RORA: variants seen among roughly 807,000 people sequenced by gnomAD.
RORA encodes the protein RAR related orphan receptor A.
In RORA, 7 loss-of-function variants were observed where a neutral mutation model predicts 69.5. That is an observed-to-expected ratio of 0.10 (90% CI 0.06 to 0.19). The LOEUF (loss-of-function observed/expected upper bound fraction) is 0.19. Among genes scored for constraint, RORA ranks in the 10% least tolerant of loss-of-function variants. RORA has a pLI of 1.00. For missense variants in RORA, 457 were observed against 663.0 expected (o/e 0.69, Z 3.41); for synonymous variants, 261 against 240.8 (o/e 1.08, Z -0.78).
chr15:60,971,650 C>T (rs1476025163), intron 1 of RORA, among the ~76,000 whole-genome samples: 1 of 152,222 alleles, frequency 6.6e-6, no homozygotes, highest in Admixed American at 6.5e-5. Context: ...TTATAGCCAC[C>T]AAGCTCCCTT....
intron 1 of RORA, among the ~76,000 whole-genome samples, chr15:60,699,681 A>G (rs1596136949): frequency 6.6e-6 from 1 of 152,328 alleles, no homozygotes; most frequent in African/African-American, 2.4e-5. Flanking sequence ...TAATAAGAGA[A>G]GCACAGTACT....
chr15:61,158,352 A>C (rs755742231), intron 1 of RORA, among the ~76,000 whole-genome samples: 8 of 152,202 alleles, frequency 5.3e-5, no homozygotes, highest in Non-Finnish European at 1.0e-4. Flanking sequence ...ATGTCTTTGC[A>C]AGTTGTGGGT....
Position 61,204,843 on chromosome 15 carries a change from C to T in RORA, c.166+24210G>A, listed in dbSNP as rs529435440. ...CAGGTCTAAGAAATAAACATAAAAT[C>T]CTGGCTATCCAAATCCTGCAGTGGG... On this transcript the variant is annotated intron_variant, in intron 1 of 10. Transcript: ENST00000335670. Among the ~76,000 whole-genome samples the T allele has an allele frequency of 3.3e-5, 5 of 152,320 alleles. No individual in the cohort carries two copies. In the South Asian group the frequency reaches 1.0e-3, roughly 32 times the overall value.
At chr15:61,048,628 G>A (rs1897151745) in intron 1 of RORA, among the ~76,000 whole-genome samples, 1 of 152,238 alleles carries the variant, frequency 6.6e-6, no homozygotes. Flanking sequence ...ACTATCTGCT[G>A]CTGTGTGCAG....
chr15:60,598,571 A>G (rs982942165), intron 2 of RORA: 111 of 152,292 alleles, frequency 7.3e-4, no homozygotes, highest in African/African-American at 2.6e-3. Context: ...TTTCTACGTT[A>G]CTTTATTGTA....
intron 1 of RORA, among the ~76,000 whole-genome samples, chr15:61,052,157 C>T (rs1343912442): frequency 6.6e-6 from 1 of 152,220 alleles, no homozygotes; most frequent in East Asian, 1.9e-4. Context: ...GTGGGTGCAG[C>T]TTATGCACAC....
intron 2 of RORA, among the ~76,000 whole-genome samples, chr15:60,620,586 C>G (rs1013749990): frequency 6.6e-6 from 1 of 152,234 alleles, no homozygotes; most frequent in African/African-American, 2.4e-5. Flanking sequence ...TTTTGTGACA[C>G]TTGCACCAGC....
chr15:60,568,622 G>A (rs987420600), intron 2 of RORA, among the ~76,000 whole-genome samples: 7 of 152,206 alleles, frequency 4.6e-5, no homozygotes, highest in Middle Eastern at 3.2e-3. Context: ...GCAGGAAGCA[G>A]GCCAGGCACA....
intron 3 of RORA, among the ~76,000 whole-genome samples, chr15:60,516,031 A>T (rs1181674981): frequency 5.8e-4 from 6 of 10,382 alleles, no homozygotes; most frequent in South Asian, 7.0e-3. Flanking sequence ...TTATATATTT[A>T]TATATATTTA....
At chr15:61,057,332 T>TGTCA (rs1223914432) in intron 1 of RORA, among the ~76,000 whole-genome samples, 3 of 152,252 alleles carry the variant, frequency 2.0e-5, no homozygotes, top group Non-Finnish European at 1.5e-5. Context: ...TGTTTCTTAT[T>TGTCA]GTCAAGCCCC....
chr15:60,577,069 C>G (rs1273999469), intron 2 of RORA, among the ~76,000 whole-genome samples: 1 of 152,178 alleles, frequency 6.6e-6, no homozygotes, highest in Non-Finnish European at 1.5e-5. Context: ...ACAAAAATCT[C>G]TGAAAATAGA....
intron 1 of RORA, among the ~76,000 whole-genome samples, chr15:60,764,277 C>T (rs1047289276): frequency 1.3e-5 from 2 of 151,498 alleles, no homozygotes; most frequent in African/African-American, 2.4e-5. Flanking sequence ...GGGTGGGAAG[C>T]GGGGGGTATG....
intron 2 of RORA, among the ~76,000 whole-genome samples, chr15:60,632,418 G>A (rs1007120432): frequency 1.3e-4 from 20 of 152,102 alleles, no homozygotes; most frequent in African/African-American, 4.3e-4. Flanking sequence ...CACTACCTAT[G>A]TATTTTCTAA....
intron 2 of RORA, among the ~76,000 whole-genome samples, chr15:60,566,305 C>G (rs981788463): frequency 6.6e-6 from 1 of 152,084 alleles, no homozygotes; most frequent in South Asian, 2.1e-4. Context: ...TTTCCTTTTT[C>G]TTAGTAAAAA....
chr15:60,515,997 A>ATT (rs2065881219), intron 3 of RORA, among the ~76,000 whole-genome samples: 2 of 9,124 alleles, frequency 2.2e-4, no homozygotes, highest in East Asian at 3.9e-3. Flanking sequence ...ATATTTATAT[A>ATT]TATTTATATA....
At chr15:60,827,893 T>C (rs2072987474) in intron 1 of RORA, among the ~76,000 whole-genome samples, 1 of 152,222 alleles carries the variant, frequency 6.6e-6, no homozygotes, top group Non-Finnish European at 1.5e-5. Context: ...TGAGATGTTT[T>C]ATAGACAGCC....
chr15:60,685,019 G>T (rs1251852972), intron 1 of RORA, among the ~76,000 whole-genome samples: 1 of 152,164 alleles, frequency 6.6e-6, no homozygotes, highest in Non-Finnish European at 1.5e-5. Flanking sequence ...GATAATTCAC[G>T]TGGGGCACAG....
chr15:60,554,148 T>G (rs1237816871), intron 2 of RORA, among the ~76,000 whole-genome samples: 1 of 152,220 alleles, frequency 6.6e-6, no homozygotes, highest in African/African-American at 2.4e-5. Flanking sequence ...TGTGAAGTTA[T>G]TTCCCATTGA....
At chr15:61,013,525 A>T (rs1364433158) in intron 1 of RORA, among the ~76,000 whole-genome samples, 1 of 152,142 alleles carries the variant, frequency 6.6e-6, no homozygotes, top group Non-Finnish European at 1.5e-5. Context: ...TGTCTACAGG[A>T]TTAGTGTGTC....
Sources: allele counts gnomAD v4.1 joint callset (sites outside exome capture counted in the v4.1 genomes callset), GRCh38; gene constraint gnomAD v4.1.1; transcripts MANE v1.5; gene names NCBI Gene and HGNC (gene_info 2026-07-23, HGNC 2026-07-21).